The following COL4A1 variants were observed in gnomAD, a reference collection of about 807,000 sequenced individuals.
The protein encoded by COL4A1 is collagen type IV alpha 1 chain, also known as collagen alpha-1(IV) chain.
Under a neutral mutation model 216.6 loss-of-function variants are expected in COL4A1, and 40 were observed. That is an observed-to-expected ratio of 0.18 (90% CI 0.14 to 0.24). The LOEUF (loss-of-function observed/expected upper bound fraction) is 0.24. Among genes scored for constraint, COL4A1 ranks in the 10% least tolerant of loss-of-function variants. The pLI is 1.00. For missense variants in COL4A1, 1,628 were observed against 2,196.8 expected, an observed-to-expected ratio of 0.74 and a Z score of 5.18; for synonymous variants, 839 against 810.7, an observed-to-expected ratio of 1.03 and a Z score of -0.59.
At chr13:110,161,939 T>A (rs931904724) in intron 48 of COL4A1, 1 of 466,282 alleles carries the variant, frequency 2.1e-6, no homozygotes, top group African/African-American at 2.0e-5. Context: ...TTGATCCTAC[T>A]TGATAATTTG....
intron 2 of COL4A1, 68 bp from the exon 3 acceptor site, chr13:110,214,083 A>G: frequency 8.2e-7 from 1 of 1,216,564 alleles, no homozygotes; most frequent in Non-Finnish European, 1.2e-6. Context: ...TTGGTGACCA[A>G]CTGTGATGGC....
intron 1 of COL4A1, among the ~76,000 whole-genome samples, chr13:110,302,016 G>A (rs1884513488): frequency 6.6e-6 from 1 of 152,310 alleles, no homozygotes; most frequent in Non-Finnish European, 1.5e-5. Flanking sequence ...CGAGAGCTGG[G>A]AGGAGGGGCA....
At chr13:110,253,489 TATATACATATAATTATACGTATTAC>T (rs1566418381) in intron 1 of COL4A1, among the ~76,000 whole-genome samples, 3 of 63,064 alleles carry the variant, frequency 4.8e-5, no homozygotes, top group African/African-American at 1.8e-4. Flanking sequence ...ATATGTATTA[TATATACATATAATTATACGTATTAC>T]ATATACATAT....
intron 2 of COL4A1, among the ~76,000 whole-genome samples, chr13:110,223,459 G>T (rs914999186): frequency 2.0e-5 from 3 of 152,150 alleles, no homozygotes; most frequent in Non-Finnish European, 2.9e-5. Context: ...CTATCAGCAT[G>T]AACACTCATT....
In COL4A1 at chr13:110,183,845, C is replaced by T. The variant is rs550116542; in HGVS notation, c.1898-569G>A. ...CCTCCCAAGCCAGGAAGCACAGCCC[C>T]GGCCCTCTGGGCACTCATGCCTAGG... On this transcript the variant is annotated intron_variant, in intron 26 of 51. Coordinates refer to ENST00000375820, the MANE Select transcript of COL4A1 (RefSeq NM_001845.6). Among the ~76,000 whole-genome samples the T allele has an allele frequency of 4.9e-4, 74 of 152,322 alleles. 2 individuals are homozygous for T. The Middle Eastern group carries it at 0.024, about 49-fold the overall frequency.
At chr13:110,258,686 A>C (rs957303341) in intron 1 of COL4A1, among the ~76,000 whole-genome samples, 6 of 152,244 alleles carry the variant, frequency 3.9e-5, no homozygotes, top group Admixed American at 3.9e-4. Flanking sequence ...TTTAATAAAT[A>C]AGGTAATAAA....
chr13:110,283,164 C>T (rs1883705511), intron 1 of COL4A1, among the ~76,000 whole-genome samples: 1 of 152,190 alleles, frequency 6.6e-6, no homozygotes, highest in Non-Finnish European at 1.5e-5. Context: ...AAGACAGAGA[C>T]TGAAGAGTAA....
Position 110,155,326 on chromosome 13 carries a change from G to C in COL4A1, c.4712C>G (p.Pro1571Arg), listed in dbSNP as rs775544336. ...HSQTIQIPPC[P>R]SGWSSLWIGY... ...GATCCACAGCGAGGACCACCCGCTG[G>C]GGCACGGTGGGATCTGAATGGTCTG... The change falls in exon 50 of 52, where the codon CCC (proline) becomes CGC (arginine). Residue 1571 changes from proline (P) to arginine (R), a missense_variant. Pro to Arg is a moderately radical substitution (Grantham distance 103). Around this residue, in one of 8 missense-constraint regions of COL4A1, gnomAD observed 254 missense variants for 300.1 expected, o/e 0.85. Transcript: ENST00000375820. 2 of 1,614,042 alleles carry C rather than the reference G, an allele frequency of 1.2e-6. No homozygotes were observed. Among genetic ancestry groups the C allele is most frequent in the African/African-American group, 1.3e-5 (1 of 74,934 alleles).
At chr13:110,273,544 G>C (rs916695052) in intron 1 of COL4A1, among the ~76,000 whole-genome samples, 3 of 152,188 alleles carry the variant, frequency 2.0e-5, no homozygotes, top group Admixed American at 6.5e-5. Context: ...CTAGGACAGA[G>C]TCTGTTTCCA....
chr13:110,211,731 A>G lies in COL4A1; in HGVS notation c.442-58T>C. 6.5e-7 allele frequency: 1 copy of G among 1,531,882 alleles called. No individual in the cohort carries two copies. Among genetic ancestry groups the G allele is most frequent in the Non-Finnish European group, 9.0e-7 (1 of 1,115,676 alleles). 94.9% of individuals were successfully genotyped at this position (1,531,882 alleles called of 1,614,324 possible). A position where few individuals can be genotyped will look rare whatever the true frequency, so the allele number is the denominator to read the frequency against. On this transcript the variant is annotated intron_variant, in intron 7 of 51. Coordinates refer to ENST00000375820, the MANE Select transcript of COL4A1 (RefSeq NM_001845.6). The surrounding 1 kb of genome is among the most constrained non-coding windows in gnomAD (Gnocchi z 4.3). ...TTTCTCAAAATATCATTAGCATTAA[A>G]ATTGTTATCATGTAATATTATATAT...
At chr13:110,236,380 A>G (rs911844589) in intron 2 of COL4A1, among the ~76,000 whole-genome samples, 1 of 152,222 alleles carries the variant, frequency 6.6e-6, no homozygotes, top group Non-Finnish European at 1.5e-5. Flanking sequence ...AGAGAAATAT[A>G]CTAAGAGTGC....
chr13:110,252,152 T>C (rs1055037068), intron 1 of COL4A1, among the ~76,000 whole-genome samples: 1 of 152,062 alleles, frequency 6.6e-6, no homozygotes, highest in South Asian at 2.1e-4. Flanking sequence ...GCCTCCCAAG[T>C]AGCTGGGATT....
rs760462654 is a variant in COL4A1, at chr13:110,183,008, G to T, written c.2080C>A (p.Pro694Thr). 1.1e-5 allele frequency: 17 copies of T among 1,612,742 alleles called. No individual in the cohort carries two copies. Among genetic ancestry groups the T allele is most frequent in the Non-Finnish European group, 1.4e-5 (17 of 1,179,724 alleles). ...VGQPGIGFPG[P>T]PGPKGVDGLP... ...GCAGGGTTACCTTTGGGGCCGGGGGGCCCTGGAAATCCAATGCCTGGCTGG... is the reference window on the plus strand; with the variant it reads ...GCAGGGTTACCTTTGGGGCCGGGGGTCCCTGGAAATCCAATGCCTGGCTGG... Residue 694 changes from proline (P) to threonine (T), a missense_variant, in exon 28 of 52, where the codon CCC becomes ACC. By Grantham distance (38) the Pro-to-Thr change is conservative. Coordinates refer to ENST00000375820, the MANE Select transcript of COL4A1 (RefSeq NM_001845.6).
chr13:110,198,752 C>G, intron 20 of COL4A1, 121 bp from the exon 21 acceptor site: 1 of 1,311,872 alleles, frequency 7.6e-7, no homozygotes. Flanking sequence ...GAAAAGGGAA[C>G]TGCTTTAGAC....
rs1283287701 is a variant in COL4A1, at chr13:110,198,594, G to A, written c.1158C>T (p.Phe386=). The change falls in exon 21 of 52, where the codon TTC becomes TTT. Residue 386 remains phenylalanine (F), a synonymous_variant. Coordinates refer to ENST00000375820, the MANE Select transcript of COL4A1 (RefSeq NM_001845.6). ...PVPGQAGAPG[F]PGERGEKGDR... ...CACCTTTTTCTCCTCTTTCACCAGGGAAGCCAGGGGCACCAGCCTGCCCAG... is the reference window on the plus strand; with the variant it reads ...CACCTTTTTCTCCTCTTTCACCAGGAAAGCCAGGGGCACCAGCCTGCCCAG... 16 of 1,613,978 alleles carry A rather than the reference G, an allele frequency of 9.9e-6. No homozygotes were observed. The highest frequency in any genetic ancestry group is 1.3e-5 in the African/African-American group (1 of 75,000).
intron 1 of COL4A1, among the ~76,000 whole-genome samples, chr13:110,266,648 T>C (rs1022304724): frequency 6.6e-6 from 1 of 152,192 alleles, no homozygotes; most frequent in African/African-American, 2.4e-5. Context: ...ACATGGGATA[T>C]AAAATTGCAA....
intron 21 of COL4A1, among the ~76,000 whole-genome samples, chr13:110,196,411 C>T (rs9515166): frequency 0.26 from 40,073 of 152,054 alleles, 5,496 homozygotes; most frequent in Admixed American, 0.32. Flanking sequence ...TAAATTACTT[C>T]ACTGAAAGAA....
chr13:110,178,775 C>A, intron 31 of COL4A1, 148 bp downstream of exon 31: 1 of 674,258 alleles, frequency 1.5e-6, no homozygotes, highest in Non-Finnish European at 2.6e-6. Context: ...ACAATCAAAC[C>A]TATTTTCACA....
intron 1 of COL4A1, among the ~76,000 whole-genome samples, chr13:110,253,655 G>T (rs57104077): frequency 1.5e-4 from 20 of 130,836 alleles, no homozygotes; most frequent in Middle Eastern, 5.3e-3. Context: ...TTACATATAC[G>T]TATAATTATA....
Sources: gnomAD v4.1 joint callset for allele counts (sites outside exome capture counted in the v4.1 genomes callset) on GRCh38, gnomAD v4.1.1 for gene constraint, gnomAD v4.1.1 regional missense constraint, Gnocchi (gnomAD v3.1) non-coding constraint, MANE v1.5 for transcripts, NCBI Gene and HGNC (gene_info 2026-07-23, HGNC 2026-07-21) for gene names.